Variants in ACKR3 observed in about 807,000 individuals in gnomAD.
ACKR3 encodes atypical chemokine receptor 3.
In ACKR3, 6 loss-of-function variants were observed where a neutral mutation model predicts 22.4. The observed-to-expected ratio is 0.27, with a 90% CI of 0.15 to 0.53. The LOEUF is 0.53. ACKR3 is among the 20% of genes least tolerant of loss of function. The pLI, the probability that ACKR3 is intolerant of heterozygous loss-of-function variation, is 0.96. For missense variants in ACKR3, 396 were observed against 475.2 expected, an observed-to-expected ratio of 0.83 and a Z score of 1.55; for synonymous variants, 209 against 205.2, an observed-to-expected ratio of 1.02 and a Z score of -0.16.
the ACKR3 span, among the ~76,000 whole-genome samples, chr2:236,548,211 C>T: frequency 6.6e-6 from 1 of 151,928 alleles, no homozygotes; most frequent in Non-Finnish European, 1.5e-5. This position sits in a 1 kb window ranked among gnomAD's most constrained non-coding sequence, Gnocchi z 4.3. Flanking sequence ...TGGGTTTTTT[C>T]ATGTATTTTA....
At chr2:236,541,671 G>A in the ACKR3 span, among the ~76,000 whole-genome samples, 2 of 152,114 alleles carry the variant, frequency 1.3e-5, no homozygotes, top group Admixed American at 6.5e-5. Flanking sequence ...AAATGATATG[G>A]TTTGGCTGTG....
chr2:236,538,451 C>G, the ACKR3 span, among the ~76,000 whole-genome samples: 1 of 152,214 alleles, frequency 6.6e-6, no homozygotes, highest in Non-Finnish European at 1.5e-5. Flanking sequence ...GTGGGCTCAC[C>G]ACCCTGACCT....
chr2:236,575,615 G>T (rs111339262), intron 1 of ACKR3, among the ~76,000 whole-genome samples: 1,338 of 119,580 alleles, frequency 0.011, 50 homozygotes, highest in Non-Finnish European at 0.018. Flanking sequence ...CTCTGTGTGT[G>T]TGTGTGTCTG....
chr2:236,541,708 G>A, the ACKR3 span, among the ~76,000 whole-genome samples: 1 of 152,198 alleles, frequency 6.6e-6, no homozygotes, highest in Non-Finnish European at 1.5e-5. Context: ...ACCTTGAATT[G>A]TAATAATCCC....
chr2:236,579,794 G>C lies in ACKR3; in HGVS notation c.-26-646G>C, dbSNP rs189961724. On this transcript the variant is annotated intron_variant, in intron 1 of 1. Transcript: ENST00000272928. ...TTCAGGTTTGGGGCGCAGTTAAGCT[G>C]TGGGGCACCCTGCGTAGGCTCACTG... Among the ~76,000 whole-genome samples the C allele has an allele frequency of 8.1e-3, 1,235 of 152,322 alleles. 15 individuals are homozygous for C. The highest frequency in any genetic ancestry group is 9.1e-3 in the Non-Finnish European group (619 of 68,034).
chr2:236,557,574 A>C, the ACKR3 span, among the ~76,000 whole-genome samples: 2 of 152,264 alleles, frequency 1.3e-5, no homozygotes, highest in African/African-American at 4.8e-5. Flanking sequence ...TGTCAACTAA[A>C]TACTGAGAGT....
chr2:236,575,163 C>T (rs1261393775), intron 1 of ACKR3, among the ~76,000 whole-genome samples: 2 of 151,912 alleles, frequency 1.3e-5, no homozygotes, highest in South Asian at 2.1e-4. Context: ...GACCATTCCT[C>T]CCTCTATGAA....
At position 236,581,561 on chromosome 2, in the gene ACKR3, C is replaced by T; in HGVS notation, c.*7C>T. The T allele has an allele frequency of 1.2e-6, 2 of 1,607,364 alleles. No individual in the cohort carries two copies. Among genetic ancestry groups the T allele is most frequent in the Non-Finnish European group, 1.7e-6 (2 of 1,174,958 alleles). The stretch of plus-strand genomic sequence containing the variant: ...GGAGCAGAGCACCAAATGATCTGCC[C>T]TGGAGAGGCTCTGGGACGGGTTTAC... On this transcript the variant is annotated 3_prime_UTR_variant, in exon 2 of 2. Transcript: ENST00000272928. The surrounding 1 kb of genome is among the most constrained non-coding windows in gnomAD (Gnocchi z 4.4).
upstream of ACKR3, among the ~76,000 whole-genome samples, chr2:236,566,764 C>CTTCCTTCA (rs753767632): frequency 7.1e-6 from 1 of 141,726 alleles, no homozygotes; most frequent in Admixed American, 7.3e-5. Flanking sequence ...TCCTTCCTTC[C>CTTCCTTCA]TTTTCTTTGC....
At chr2:236,576,802 A>C (rs540147691) in intron 1 of ACKR3, among the ~76,000 whole-genome samples, 1 of 152,390 alleles carries the variant, frequency 6.6e-6, no homozygotes, top group African/African-American at 2.4e-5. Flanking sequence ...TGCTGGAGAC[A>C]GCTCTTGTTT....
chr2:236,569,791 T>C (rs768698078), upstream of ACKR3: 2 of 152,188 alleles, frequency 1.3e-5, no homozygotes, highest in African/African-American at 2.4e-5. Context: ...CTTTCTGCAG[T>C]GTATATAATG....
At chr2:236,571,651 A>G (rs954934965) in intron 1 of ACKR3, among the ~76,000 whole-genome samples, 48 of 151,558 alleles carry the variant, frequency 3.2e-4, no homozygotes, top group African/African-American at 1.1e-3. Context: ...AACCCAAAAC[A>G]AAAAACCCTG....
chr2:236,567,641 C>G (rs1021289766), upstream of ACKR3: 5 of 152,428 alleles, frequency 3.3e-5, no homozygotes, highest in African/African-American at 1.2e-4. Flanking sequence ...AGCTCCTCCT[C>G]CCAGGGTGGG....
In ACKR3 at chr2:236,572,701, C is replaced by T. The variant is rs117896801; in HGVS notation, c.-27+2777C>T. Reference sequence around the variant, plus strand: ...CCGGCCCAGACGGCAGCCTTTGTGACGTGGGAATCTCTGGACCTGCTCTTG... The same window carrying T: ...CCGGCCCAGACGGCAGCCTTTGTGATGTGGGAATCTCTGGACCTGCTCTTG... On this transcript the variant is annotated intron_variant, in intron 1 of 1. Coordinates refer to ENST00000272928, the MANE Select transcript of ACKR3 (RefSeq NM_020311.3). Among the ~76,000 whole-genome samples the T allele has an allele frequency of 8.5e-4, 130 of 152,290 alleles. 2 individuals are homozygous for T. In the East Asian group the frequency reaches 0.015, roughly 17 times the overall value.
At chr2:236,562,193 G>A in the ACKR3 span, among the ~76,000 whole-genome samples, 2 of 152,160 alleles carry the variant, frequency 1.3e-5, no homozygotes, top group African/African-American at 4.8e-5. Flanking sequence ...TGCACGTGAA[G>A]TTGTTATCAT....
chr2:236,542,661 T>C, the ACKR3 span, among the ~76,000 whole-genome samples: 1 of 152,194 alleles, frequency 6.6e-6, no homozygotes, highest in Non-Finnish European at 1.5e-5. Flanking sequence ...GCCACTCATT[T>C]ACACCAGCAA....
the ACKR3 span, among the ~76,000 whole-genome samples, chr2:236,547,613 AATGTTTTTTAAATTTTT>A: frequency 2.0e-5 from 3 of 152,194 alleles, no homozygotes; most frequent in Non-Finnish European, 4.4e-5. Flanking sequence ...TGATAGTTAA[AATGTTTTTTAAATTTTT>A]GCACTCATTC....
the ACKR3 span, among the ~76,000 whole-genome samples, chr2:236,551,067 T>C: frequency 6.6e-6 from 1 of 152,226 alleles, no homozygotes; most frequent in African/African-American, 2.4e-5. Flanking sequence ...CTCAGCCCTG[T>C]AGGCACACCT....
At chr2:236,561,950 A>G in the ACKR3 span, among the ~76,000 whole-genome samples, 3,033 of 152,306 alleles carry the variant, frequency 0.02, 90 homozygotes, top group African/African-American at 0.069. Context: ...TCCAATCCAT[A>G]TGGCTTTTAT....
Sources: allele counts gnomAD v4.1 joint callset (sites outside exome capture counted in the v4.1 genomes callset), GRCh38; gene constraint gnomAD v4.1.1; non-coding constraint Gnocchi (gnomAD v3.1); transcripts MANE v1.5; gene names NCBI Gene and HGNC (gene_info 2026-07-23, HGNC 2026-07-21).